The following TAS2R43 variants were observed in gnomAD, a reference collection of about 807,000 sequenced individuals.
The protein encoded by TAS2R43 is taste 2 receptor member 43.
For missense variants in TAS2R43, 246 were observed against 348.2 expected (o/e 0.71, Z 2.34); for synonymous variants, 76 against 117.4 (o/e 0.65, Z 2.28).
Position 11,091,589 on chromosome 12 carries a change from T to C in TAS2R43, c.641A>G (p.Lys214Arg). 1.5e-6 allele frequency: 2 copies of C among 1,340,510 alleles called. No individual in the cohort carries two copies. Among genetic ancestry groups the C allele is most frequent in the South Asian group, 1.1e-5 (1 of 87,350 alleles). The allele number at this position is 1,340,510 out of a possible 1,614,324, so 83.0% of individuals were successfully genotyped here. A position where few individuals can be genotyped will look rare whatever the true frequency, so the allele number is the denominator to read the frequency against. Residue 214 changes from lysine to arginine, a missense_variant, in exon 1 of 1, where the codon AAA becomes AGA. Physicochemically the swap from Lys to Arg is conservative, Grantham distance 26. Transcript: ENST00000531678. ...CTTGGTGCTGGGATCTTGAGATCCT[T>C]TACCATGGAGCTGCATCTTCTTGAG... is the stretch of plus-strand genomic sequence containing the variant. ...KHLKKMQLHGKGSQDPSTKVH... is the reference protein window; with the variant it reads ...KHLKKMQLHGRGSQDPSTKVH...
rs778950728 is a variant in TAS2R43 at position 11,091,698 on chromosome 12, T to C, written c.532A>G (p.Thr178Ala). ...LKSAMYFSNM[T>A]VTMVANLVPF... is the part of the protein sequence containing the mutation. ...ACTAAGTTTGCTACCATGGTTACAG[T>C]CATATTTGAAAAGTACATTGCACTC... Residue 178 changes from threonine to alanine, a missense_variant, in exon 1 of 1, where the codon ACT (threonine) becomes GCT (alanine). Thr to Ala is a moderately conservative substitution (Grantham distance 58). Coordinates refer to ENST00000531678, the MANE Select transcript of TAS2R43 (RefSeq NM_176884.2). The C allele has an allele frequency of 3.2e-6, 4 of 1,258,942 alleles. 1 individual carries two copies. The highest frequency in any genetic ancestry group is 4.5e-6 in the Non-Finnish European group (4 of 887,526). 78.0% of individuals were successfully genotyped at this position (1,258,942 alleles called of 1,614,324 possible).
In TAS2R43 at chr12:11,091,590, T is replaced by C. The variant is rs756101526; in HGVS notation, c.640A>G (p.Lys214Glu). 2 of 1,340,194 alleles carry C rather than the reference T, an allele frequency of 1.5e-6. No individual in the cohort carries two copies. Among genetic ancestry groups the C allele is most frequent in the East Asian group, 2.3e-5 (1 of 43,890 alleles). The allele number at this position is 1,340,194 out of a possible 1,614,324, so 83.0% of individuals were successfully genotyped here. A position where few individuals can be genotyped will look rare whatever the true frequency, so the allele number is the denominator to read the frequency against. Residue 214 changes from lysine to glutamate, a missense_variant, in exon 1 of 1, where the codon AAA becomes GAA. By Grantham distance (56) the Lys-to-Glu change is moderately conservative (BLOSUM62 1). Transcript: ENST00000531678. ...TTGGTGCTGGGATCTTGAGATCCTT[T>C]ACCATGGAGCTGCATCTTCTTGAGA... Reference protein sequence around the residue: ...KHLKKMQLHGKGSQDPSTKVH... With the variant: ...KHLKKMQLHGEGSQDPSTKVH...
rs1217522838 is a variant in TAS2R43 at position 11,092,300 on chromosome 12, C to A, written c.-71G>T. 8.8e-6 allele frequency: 9 copies of A among 1,027,700 alleles called. No homozygotes were observed. The highest frequency in any genetic ancestry group is 1.7e-5 in the African/African-American group (1 of 59,086). 63.7% of individuals were successfully genotyped at this position (1,027,700 alleles called of 1,614,324 possible). A position where few individuals can be genotyped will look rare whatever the true frequency, so the allele number is the denominator to read the frequency against. On this transcript the variant is annotated 5_prime_UTR_variant, in exon 1 of 1. Transcript: ENST00000531678. ...CGGAATTGGTTCCTGCAGGTGGGTT[C>A]GTGGTCTCGCTGACTTCAAAAGGGA... is the stretch of plus-strand genomic sequence containing the variant.
Position 11,091,928 on chromosome 12 carries a change from G to C in TAS2R43, c.302C>G (p.Thr101Ser), listed in dbSNP as rs201622094. The C allele has an allele frequency of 1.1e-3, 1,355 of 1,182,682 alleles. 372 individuals carry two copies. Among genetic ancestry groups the C allele is most frequent in the Admixed American group, 2.3e-3 (100 of 43,912 alleles). The allele number at this position is 1,182,682 out of a possible 1,614,324, so 73.3% of individuals were successfully genotyped here. The change falls in exon 1 of 1, where the codon ACC becomes AGC. Residue 101 changes from threonine (T) to serine (S), a missense_variant. Transcript: ENST00000531678. The part of the protein sequence containing the change: ...INHFSNWLAT[T>S]LSIFYLLKIA... ...CTTGAGCAAATAAAATATGCTGAGG[G>C]TAGTAGCAAGCCAGTTGCTGAAATG...
rs1229877275 is a variant in TAS2R43 at position 11,091,576 on chromosome 12, A to G, written c.654T>C (p.Asp218=). The part of the protein sequence containing the change: ...KMQLHGKGSQ[D]PSTKVHIKAL... ...CTTTTATGTGGACCTTGGTGCTGGGATCTTGAGATCCTTTACCATGGAGCT... is the reference window on the plus strand; with the variant it reads ...CTTTTATGTGGACCTTGGTGCTGGGGTCTTGAGATCCTTTACCATGGAGCT... Residue 218 remains aspartate, a synonymous_variant, in exon 1 of 1, where the codon GAT becomes GAC. Coordinates refer to ENST00000531678, the MANE Select transcript of TAS2R43 (RefSeq NM_176884.2). 2 of 1,354,358 alleles carry G rather than the reference A, an allele frequency of 1.5e-6. No homozygotes were observed. The highest frequency in any genetic ancestry group is 2.1e-6 in the Non-Finnish European group (2 of 955,692). 83.9% of individuals were successfully genotyped at this position (1,354,358 alleles called of 1,614,324 possible). A position where few individuals can be genotyped will look rare whatever the true frequency, so the allele number is the denominator to read the frequency against.
chr12:11,092,146 T>C lies in TAS2R43; in HGVS notation c.84A>G (p.Ala28=), dbSNP rs200369046. The C allele has an allele frequency of 0.35, 251,633 of 718,798 alleles. 68,788 individuals are homozygous for C. The highest frequency in any genetic ancestry group is 0.41 in the East Asian group (5,656 of 13,934). 44.5% of individuals were successfully genotyped at this position (718,798 alleles called of 1,614,324 possible). ...TGAACCACTCAATGGAATTTACCAG[T>C]GCTATGAAGCCATTAGCAAAATTTC... ...VIGNFANGFI[A]LVNSIEWFKR... Residue 28 remains alanine, a synonymous_variant, in exon 1 of 1, where the codon GCA becomes GCG. Coordinates refer to ENST00000531678, the MANE Select transcript of TAS2R43 (RefSeq NM_176884.2).
In TAS2R43 at chr12:11,092,025, T is replaced by G; in HGVS notation, c.205A>C (p.Thr69Pro). Reference sequence around the variant, plus strand: ...CTATTAAAAGCTGGATTCAACACAGTTGAATACCAGTTTAATAATAATACC... The same window carrying G: ...CTATTAAAAGCTGGATTCAACACAGGTGAATACCAGTTTAATAATAATACC... ...LWVLLLNWYS[T>P]VLNPAFNSVE... The change falls in exon 1 of 1, where the codon ACT (threonine) becomes CCT (proline). Residue 69 changes from threonine (T) to proline (P), a missense_variant. Physicochemically the swap from Thr to Pro is conservative, Grantham distance 38. Coordinates refer to ENST00000531678, the MANE Select transcript of TAS2R43 (RefSeq NM_176884.2). 6.7e-7 allele frequency: 1 copy of G among 1,488,160 alleles called. No individual in the cohort carries two copies. The highest frequency in any genetic ancestry group is 1.5e-5 in the African/African-American group (1 of 68,394). 92.2% of individuals were successfully genotyped at this position (1,488,160 alleles called of 1,614,324 possible).
Position 11,091,491 on chromosome 12 carries a change from T to A in TAS2R43, c.739A>T (p.Ile247Leu), listed in dbSNP as rs1490576882. 2.2e-6 allele frequency: 3 copies of A among 1,365,130 alleles called. No individual in the cohort carries two copies. Among genetic ancestry groups the A allele is most frequent in the East Asian group, 2.3e-5 (1 of 44,046 alleles). 84.6% of individuals were successfully genotyped at this position (1,365,130 alleles called of 1,614,324 possible). ...AGACTTCCAAAACTCCAAACTGATA[T>A]CATTATGGACAGAAAGTAAATGGCA... ...LCAIYFLSIM[I>L]SVWSFGSLEN... Residue 247 changes from isoleucine to leucine, a missense_variant, in exon 1 of 1, where the codon ATA (isoleucine) becomes TTA (leucine). Ile to Leu is a conservative substitution (Grantham distance 5). Coordinates refer to ENST00000531678, the MANE Select transcript of TAS2R43 (RefSeq NM_176884.2).
Position 11,092,267 on chromosome 12 carries a change from G to A in TAS2R43, c.-38C>T. On this transcript the variant is annotated 5_prime_UTR_variant, in exon 1 of 1. Coordinates refer to ENST00000531678, the MANE Select transcript of TAS2R43 (RefSeq NM_176884.2). ...AAAAAAAATTTTTTTAAATGCTGGT[G>A]TTGTGTCCGGAATTGGTTCCTGCAG... 2.5e-6 allele frequency: 3 copies of A among 1,214,550 alleles called. No individual in the cohort carries two copies. The highest frequency in any genetic ancestry group is 3.5e-6 in the Non-Finnish European group (3 of 853,672). 75.2% of individuals were successfully genotyped at this position (1,214,550 alleles called of 1,614,324 possible). A position where few individuals can be genotyped will look rare whatever the true frequency, so the allele number is the denominator to read the frequency against.
In TAS2R43 at chr12:11,091,723, C is replaced by A. The variant is rs1342636688; in HGVS notation, c.507G>T (p.Lys169Asn). Residue 169 changes from lysine (K) to asparagine (N), a missense_variant, in exon 1 of 1, where the codon AAG becomes AAT. Coordinates refer to ENST00000531678, the MANE Select transcript of TAS2R43 (RefSeq NM_176884.2). ...TCATATTTGAAAAGTACATTGCACT[C>A]TTCAATTTGATCTTCCAAGTCATGT... ...EGNMTWKIKL[K>N]SAMYFSNMTV... is the part of the protein sequence containing the mutation. 7.8e-7 allele frequency: 1 copy of A among 1,287,552 alleles called. No individual in the cohort carries two copies. The highest frequency in any genetic ancestry group is 1.9e-5 in the Admixed American group (1 of 51,506). The allele number at this position is 1,287,552 out of a possible 1,614,324, so 79.8% of individuals were successfully genotyped here.
the TAS2R43 span, chr12:11,092,118 T>A: frequency 6.8e-7 from 1 of 1,480,034 alleles, no homozygotes; most frequent in East Asian, 2.2e-5. Flanking sequence ...ATCTTTTGTC[T>A]CTTGAACCAC....
rs111982292 is a variant in TAS2R43, at chr12:11,091,833, A to G, written c.397T>C (p.Leu133=). The change falls in exon 1 of 1, where the codon TTG becomes CTG. Residue 133 remains leucine (L), a synonymous_variant. Transcript: ENST00000531678. ...RRVKSVILVM[L]LGPLLFLACH... ...GCCAAAAATAGCAAAGGCCCCAACA[A>G]CATCACCAGAATGACACTCTTAACT... The G allele has an allele frequency of 0.47, 435,650 of 922,192 alleles. 127,431 individuals carry two copies. The highest frequency in any genetic ancestry group is 0.52 in the Admixed American group (19,123 of 37,070). The allele number at this position is 922,192 out of a possible 1,614,324, so 57.1% of individuals were successfully genotyped here.
At position 11,091,431 on chromosome 12, in the gene TAS2R43, T is replaced by C. The variant is rs1301583689; in HGVS notation, c.799A>G (p.Ile267Val). Reference sequence around the variant, plus strand: ...TGGATTGAAGGATAGCTGAATCTAATAGCTTTGCAGAACATGAAGACAGGT... The same window carrying C: ...TGGATTGAAGGATAGCTGAATCTAACAGCTTTGCAGAACATGAAGACAGGT... ...NKPVFMFCKAIRFSYPSIHPF... is the reference protein window; with the variant it reads ...NKPVFMFCKAVRFSYPSIHPF... Residue 267 changes from isoleucine to valine, a missense_variant, in exon 1 of 1, where the codon ATT (isoleucine) becomes GTT (valine). By Grantham distance (29) the Ile-to-Val change is conservative. Coordinates refer to ENST00000531678, the MANE Select transcript of TAS2R43 (RefSeq NM_176884.2). 6 of 1,256,170 alleles carry C rather than the reference T, an allele frequency of 4.8e-6. 2 individuals are homozygous for C. Among genetic ancestry groups the C allele is most frequent in the South Asian group, 2.3e-5 (2 of 85,544 alleles). 77.8% of individuals were successfully genotyped at this position (1,256,170 alleles called of 1,614,324 possible).
rs1944902075 is a variant in TAS2R43 at position 11,091,539 on chromosome 12, C to T, written c.691G>A (p.Val231Met). ...TKVHIKALQT[V>M]ISFLLLCAIY... ...GCACATAACAAGAGGAAGGAGATCA[C>T]AGTTTGCAAAGCTTTTATGTGGACC... Residue 231 changes from valine to methionine, a missense_variant, in exon 1 of 1, where the codon GTG becomes ATG. Val to Met is a conservative substitution (Grantham distance 21). Transcript: ENST00000531678. 6.9e-7 allele frequency: 1 copy of T among 1,456,852 alleles called. No homozygotes were observed. The highest frequency in any genetic ancestry group is 9.6e-7 in the Non-Finnish European group (1 of 1,046,546). The allele number at this position is 1,456,852 out of a possible 1,614,324, so 90.2% of individuals were successfully genotyped here. A position where few individuals can be genotyped will look rare whatever the true frequency, so the allele number is the denominator to read the frequency against.
At position 11,091,758 on chromosome 12, in the gene TAS2R43, A is replaced by G; in HGVS notation, c.472T>C (p.Phe158Leu). ...NMNEIVRTKE[F>L]EGNMTWKIKL... ...ATCTTCCAAGTCATGTTTCCTTCAA[A>G]TTCTTTTGTCCGCACAATCTCATTC... Residue 158 changes from phenylalanine (F) to leucine (L), a missense_variant, in exon 1 of 1, where the codon TTT (phenylalanine) becomes CTT (leucine). Transcript: ENST00000531678. The G allele has an allele frequency of 7.5e-7, 1 of 1,341,654 alleles. No individual in the cohort carries two copies. Among genetic ancestry groups the G allele is most frequent in the Non-Finnish European group, 1.1e-6 (1 of 943,132 alleles). 83.1% of individuals were successfully genotyped at this position (1,341,654 alleles called of 1,614,324 possible). A position where few individuals can be genotyped will look rare whatever the true frequency, so the allele number is the denominator to read the frequency against.
At position 11,091,494 on chromosome 12, in the gene TAS2R43, T is replaced by C. The variant is rs778520919; in HGVS notation, c.736A>G (p.Met246Val). 8 of 1,381,176 alleles carry C rather than the reference T, an allele frequency of 5.8e-6. 1 individual carries two copies. In the South Asian group the frequency reaches 9.1e-5, roughly 16 times the overall value. The allele number at this position is 1,381,176 out of a possible 1,614,324, so 85.6% of individuals were successfully genotyped here. A position where few individuals can be genotyped will look rare whatever the true frequency, so the allele number is the denominator to read the frequency against. The change falls in exon 1 of 1, where the codon ATG becomes GTG. Residue 246 changes from methionine (M) to valine (V), a missense_variant. Transcript: ENST00000531678. ...LLCAIYFLSI[M>V]ISVWSFGSLE... Reference sequence around the variant, plus strand: ...CTTCCAAAACTCCAAACTGATATCATTATGGACAGAAAGTAAATGGCACAT... The same window carrying C: ...CTTCCAAAACTCCAAACTGATATCACTATGGACAGAAAGTAAATGGCACAT...
rs73064966 is a variant in TAS2R43, at chr12:11,091,791, T to C, written c.439A>G (p.Ile147Val). The C allele has an allele frequency of 0.42, 357,682 of 857,454 alleles. 107,958 individuals carry two copies. The highest frequency in any genetic ancestry group is 0.5 in the Admixed American group (17,928 of 35,778). 53.1% of individuals were successfully genotyped at this position (857,454 alleles called of 1,614,324 possible). The change falls in exon 1 of 1, where the codon ATA (isoleucine) becomes GTA (valine). Residue 147 changes from isoleucine to valine, a missense_variant. Coordinates refer to ENST00000531678, the MANE Select transcript of TAS2R43 (RefSeq NM_176884.2). The stretch of plus-strand genomic sequence containing the variant: ...GTCCGCACAATCTCATTCATGTTTA[T>C]CACAAAAAGATGACAAGCCAAAAAT... The part of the protein sequence containing the change: ...LLFLACHLFV[I>V]NMNEIVRTKE...
At position 11,092,088 on chromosome 12, in the gene TAS2R43, G is replaced by C. The variant is rs113197337; in HGVS notation, c.142C>G (p.Leu48Val). ...RQKISFADQI[L>V]TALAVSRVGL... is the part of the protein sequence containing the mutation. ...ACTCTGGAGACCGCCAGAGCAGTGA[G>C]AATTTGGTCAGCAAAGGAGATCTTT... Residue 48 changes from leucine (L) to valine (V), a missense_variant, in exon 1 of 1, where the codon CTC becomes GTC. Coordinates refer to ENST00000531678, the MANE Select transcript of TAS2R43 (RefSeq NM_176884.2). The C allele has an allele frequency of 0.5, 516,218 of 1,041,756 alleles. 124,763 individuals are homozygous for C. Among genetic ancestry groups the C allele is most frequent in the Non-Finnish European group, 0.51 (392,287 of 765,580 alleles). The allele number at this position is 1,041,756 out of a possible 1,614,324, so 64.5% of individuals were successfully genotyped here. A position where few individuals can be genotyped will look rare whatever the true frequency, so the allele number is the denominator to read the frequency against.
chr12:11,092,294 T>C lies in TAS2R43; in HGVS notation c.-65A>G. The C allele has an allele frequency of 1.8e-6, 2 of 1,091,230 alleles. No individual in the cohort carries two copies. Among genetic ancestry groups the C allele is most frequent in the Non-Finnish European group, 2.7e-6 (2 of 751,760 alleles). The allele number at this position is 1,091,230 out of a possible 1,614,324, so 67.6% of individuals were successfully genotyped here. A position where few individuals can be genotyped will look rare whatever the true frequency, so the allele number is the denominator to read the frequency against. On this transcript the variant is annotated 5_prime_UTR_variant, in exon 1 of 1. Coordinates refer to ENST00000531678, the MANE Select transcript of TAS2R43 (RefSeq NM_176884.2). ...TGTGTCCGGAATTGGTTCCTGCAGG[T>C]GGGTTCGTGGTCTCGCTGACTTCAA...
Sources: allele counts gnomAD v4.1 joint callset, GRCh38; gene constraint gnomAD v4.1.1; transcripts MANE v1.5; gene names NCBI Gene and HGNC (gene_info 2026-07-23, HGNC 2026-07-21).